The following KCNIP4 variants were observed in gnomAD, a reference collection of about 807,000 sequenced individuals.
The protein encoded by KCNIP4 is Kv channel-interacting protein 4.
In KCNIP4, 12 loss-of-function variants were observed where a neutral mutation model predicts 34.0. That is an observed-to-expected ratio of 0.35 (90% CI 0.23 to 0.57). KCNIP4 has a LOEUF of 0.57. Among genes scored for constraint, KCNIP4 ranks in the 20% least tolerant of loss-of-function variants. KCNIP4 has a pLI of 0.83. For missense variants in KCNIP4, 238 were observed against 311.7 expected, an observed-to-expected ratio of 0.76 and a Z score of 1.78; for synonymous variants, 124 against 102.2, an observed-to-expected ratio of 1.21 and a Z score of -1.29.
chr4:21,723,646 G>T (rs916112591), intron 1 of KCNIP4, among the ~76,000 whole-genome samples: 1 of 152,078 alleles, frequency 6.6e-6, no homozygotes, highest in African/African-American at 2.4e-5. Context: ...GTCATACATG[G>T]TTAAGGAATT....
intron 1 of KCNIP4, among the ~76,000 whole-genome samples, chr4:21,380,516 C>T (rs899242956): frequency 6.6e-6 from 1 of 150,730 alleles, no homozygotes; most frequent in Admixed American, 6.6e-5. Flanking sequence ...TATTGTGCTT[C>T]TAGTTTTAAG....
intron 1 of KCNIP4, among the ~76,000 whole-genome samples, chr4:21,457,618 T>C (rs1307801002): frequency 6.6e-6 from 1 of 151,884 alleles, no homozygotes; most frequent in Non-Finnish European, 1.5e-5. Flanking sequence ...TTCATGCAAA[T>C]AAAAATCACA....
At chr4:21,575,046 C>T (rs1740647359) in intron 1 of KCNIP4, among the ~76,000 whole-genome samples, 1 of 152,118 alleles carries the variant, frequency 6.6e-6, no homozygotes, top group Non-Finnish European at 1.5e-5. Context: ...AGTTTGTCAA[C>T]ATATTTTCTA....
intron 1 of KCNIP4, among the ~76,000 whole-genome samples, chr4:21,723,274 C>A (rs546661544): frequency 3.3e-5 from 5 of 152,034 alleles, no homozygotes; most frequent in African/African-American, 1.2e-4. Flanking sequence ...AATTTGAAGA[C>A]CCTCCTTTGA....
At chr4:21,802,405 T>C (rs1263638234) in intron 1 of KCNIP4, among the ~76,000 whole-genome samples, 1 of 152,130 alleles carries the variant, frequency 6.6e-6, no homozygotes, top group Non-Finnish European at 1.5e-5. Flanking sequence ...TGCTTTGCAG[T>C]TTGGGGAGCA....
intron 1 of KCNIP4, among the ~76,000 whole-genome samples, chr4:21,707,042 T>G (rs1179491136): frequency 2.0e-5 from 3 of 152,140 alleles, no homozygotes; most frequent in African/African-American, 7.2e-5. Flanking sequence ...TTGCATCAAC[T>G]TTGGTTATAG....
chr4:21,711,623 A>C (rs1011466611), intron 1 of KCNIP4, among the ~76,000 whole-genome samples: 3 of 152,246 alleles, frequency 2.0e-5, no homozygotes, highest in Admixed American at 2.0e-4. Context: ...ATACAGATTA[A>C]CGAAAAACTG....
intron 1 of KCNIP4, among the ~76,000 whole-genome samples, chr4:21,732,577 A>G (rs191342726): frequency 2.4e-4 from 36 of 152,266 alleles, no homozygotes; most frequent in Admixed American, 1.8e-3. Flanking sequence ...CACAGCCACA[A>G]CTTGGGGGCA....
chr4:21,812,648 C>A (rs1721731657), intron 1 of KCNIP4, among the ~76,000 whole-genome samples: 1 of 152,050 alleles, frequency 6.6e-6, no homozygotes, highest in Non-Finnish European at 1.5e-5. Flanking sequence ...AAGTCAATTT[C>A]TTTATTTTCT....
At chr4:21,487,956 A>G (rs1028973118) in intron 1 of KCNIP4, among the ~76,000 whole-genome samples, 3 of 152,062 alleles carry the variant, frequency 2.0e-5, no homozygotes, top group African/African-American at 7.2e-5. Flanking sequence ...AGAATCAACC[A>G]TTTCTCCAAG....
intron 1 of KCNIP4, among the ~76,000 whole-genome samples, chr4:21,245,262 T>C (rs1760115066): frequency 6.6e-6 from 1 of 152,226 alleles, no homozygotes; most frequent in Admixed American, 6.5e-5. Context: ...AAACTGTTTC[T>C]CTGTAGGGTT....
At chr4:20,981,971 G>A (rs984051587) in intron 1 of KCNIP4, among the ~76,000 whole-genome samples, 1 of 152,150 alleles carries the variant, frequency 6.6e-6, no homozygotes, top group East Asian at 1.9e-4. Context: ...TCTAGTTGGG[G>A]GAGTCAGGTT....
At chr4:20,749,419 A>G (rs556389525) in intron 5 of KCNIP4, among the ~76,000 whole-genome samples, 2 of 152,290 alleles carry the variant, frequency 1.3e-5, no homozygotes, top group East Asian at 3.9e-4. Flanking sequence ...GACTTTTCAC[A>G]TGTAATTGAA....
intron 1 of KCNIP4, among the ~76,000 whole-genome samples, chr4:21,370,840 TATATATATATACACAC>T (rs1294170175): frequency 7.0e-4 from 20 of 28,422 alleles, no homozygotes; most frequent in African/African-American, 9.9e-4. Context: ...TATATATATA[TATATATATATACACAC>T]ACACACACAC....
intron 1 of KCNIP4, among the ~76,000 whole-genome samples, chr4:21,737,306 T>C (rs1716060275): frequency 6.6e-6 from 1 of 152,202 alleles, no homozygotes; most frequent in Admixed American, 6.5e-5. Context: ...TCTCAATTTA[T>C]TTCCATAGGC....
chr4:21,122,347 A>T (rs2109138744), intron 1 of KCNIP4, among the ~76,000 whole-genome samples: 1 of 152,006 alleles, frequency 6.6e-6, no homozygotes, highest in African/African-American at 2.4e-5. Flanking sequence ...ATACGTTTTG[A>T]AAATCAGTAT....
intron 1 of KCNIP4, among the ~76,000 whole-genome samples, chr4:20,928,537 A>G (rs576448750): frequency 2.0e-5 from 3 of 152,104 alleles, no homozygotes; most frequent in Non-Finnish European, 4.4e-5. Flanking sequence ...CCAAACAAAT[A>G]GCCTAACATT....
intron 1 of KCNIP4, among the ~76,000 whole-genome samples, chr4:21,916,894 C>T (rs1467098797): frequency 6.6e-6 from 1 of 152,152 alleles, no homozygotes; most frequent in African/African-American, 2.4e-5. Flanking sequence ...CAACTAAATA[C>T]TGTAAGTTCT....
chr4:21,041,721 T>G (rs1259743482), intron 1 of KCNIP4, among the ~76,000 whole-genome samples: 1 of 152,190 alleles, frequency 6.6e-6, no homozygotes, highest in African/African-American at 2.4e-5. Flanking sequence ...CTTTTTCGTT[T>G]GGATAGTCAC....
Sources: allele counts gnomAD v4.1 joint callset (sites outside exome capture counted in the v4.1 genomes callset), GRCh38; gene constraint gnomAD v4.1.1; transcripts MANE v1.5; gene names NCBI Gene and HGNC (gene_info 2026-07-23, HGNC 2026-07-21).